Variants in PCDHA1 observed in about 807,000 individuals in gnomAD.
PCDHA1 encodes the protein protocadherin alpha 1.
A neutral mutation model predicts 61.3 loss-of-function variants in PCDHA1; 42 were observed. The observed-to-expected ratio is 0.69, with a 90% confidence interval of 0.54 to 0.89. PCDHA1 has a LOEUF of 0.89. PCDHA1 is among the 40% of genes least tolerant of loss of function. PCDHA1 has a pLI of 0.00. For synonymous variants in PCDHA1, 610 were observed against 553.8 expected (o/e 1.10, Z -1.43); for missense variants, 1,256 against 1,235.3 (o/e 1.02, Z -0.25).
intron 1 of PCDHA1, chr5:140,830,113 G>A: frequency 6.2e-7 from 1 of 1,613,562 alleles, no homozygotes; most frequent in African/African-American, 1.3e-5. Context: ...AGAGTGGCCA[G>A]GCTCCAAAGG....
intron 3 of PCDHA1, among the ~76,000 whole-genome samples, chr5:141,003,622 A>G (rs1554259173): frequency 6.6e-6 from 1 of 152,196 alleles, no homozygotes; most frequent in Non-Finnish European, 1.5e-5. Context: ...CCCAGAGGGC[A>G]GTTTTTAAAG....
chr5:140,968,132 A>G, intron 1 of PCDHA1: 1 of 1,614,082 alleles, frequency 6.2e-7, no homozygotes, highest in Non-Finnish European at 8.5e-7. Flanking sequence ...GCGTACACTG[A>G]AGGTTGAGAT....
At chr5:140,811,821 T>C (rs1215583343) in intron 1 of PCDHA1, 1 of 152,226 alleles carries the variant, frequency 6.6e-6, no homozygotes. Flanking sequence ...TCTGTTCATA[T>C]CCTTTGCCCA....
intron 1 of PCDHA1, among the ~76,000 whole-genome samples, chr5:140,805,828 T>G (rs1763635643): frequency 6.6e-6 from 1 of 152,164 alleles, no homozygotes. Context: ...AACACCACAT[T>G]TTCCCAACTA....
chr5:140,868,872 G>T, intron 1 of PCDHA1: 1 of 640,590 alleles, frequency 1.6e-6, no homozygotes. Context: ...GCAGTGCACA[G>T]TACTCACAGT....
At chr5:140,827,495 A>G (rs1769309014) in intron 1 of PCDHA1, among the ~76,000 whole-genome samples, 1 of 152,240 alleles carries the variant, frequency 6.6e-6, no homozygotes, top group Admixed American at 6.5e-5. Flanking sequence ...CATGGACTTC[A>G]ATAATCTATA....
chr5:141,001,594 A>AT (rs1216872407), intron 3 of PCDHA1, among the ~76,000 whole-genome samples: 1 of 152,040 alleles, frequency 6.6e-6, no homozygotes, highest in Non-Finnish European at 1.5e-5. Flanking sequence ...GATTACTCAG[A>AT]TTAGGTTTGC....
At chr5:140,789,581 A>T (rs1483253017) in intron 1 of PCDHA1, among the ~76,000 whole-genome samples, 1 of 152,070 alleles carries the variant, frequency 6.6e-6, no homozygotes, top group Non-Finnish European at 1.5e-5. Context: ...CAATTTCCTG[A>T]TGCCATTAAC....
intron 1 of PCDHA1, among the ~76,000 whole-genome samples, chr5:140,920,648 A>G (rs1465559942): frequency 1.3e-5 from 2 of 152,148 alleles, no homozygotes; most frequent in Non-Finnish European, 2.9e-5. Flanking sequence ...GATTGAGACC[A>G]TCCTTGCCAA....
Position 140,855,858 on chromosome 5 carries a change from G to A in PCDHA1, c.2394+67174G>A, listed in dbSNP as rs1203638572. 5 of 715,820 alleles carry A rather than the reference G, an allele frequency of 7.0e-6. 1 individual carries two copies. Among genetic ancestry groups the A allele is most frequent in the Non-Finnish European group, 1.1e-5 (5 of 445,056 alleles). The allele number at this position is 715,820 out of a possible 1,614,324, so 44.3% of individuals were successfully genotyped here. A position where few individuals can be genotyped will look rare whatever the true frequency, so the allele number is the denominator to read the frequency against. On this transcript the variant is annotated intron_variant, in intron 1 of 3. Coordinates refer to ENST00000504120, the MANE Select transcript of PCDHA1 (RefSeq NM_018900.4). ...CTTACACCTAAAGCCACCGGATGTC[G>A]CTGTCGTCCACAAAATAGCTTTTTA...
In PCDHA1 at chr5:140,936,000, C is replaced by T. The variant is rs370629183; in HGVS notation, c.2395-42949C>T. Among the ~76,000 whole-genome samples, 13 of 150,536 alleles carry T rather than the reference C, an allele frequency of 8.6e-5. No homozygotes were observed. In the East Asian group the frequency reaches 1.6e-3, roughly 18 times the overall value. ...CTCTGCCTCCCGGGTTCAAGCGATT[C>T]TCCCACCTCAGCCTCCCGAGTAGCG... On this transcript the variant is annotated intron_variant, in intron 1 of 3. Coordinates refer to ENST00000504120, the MANE Select transcript of PCDHA1 (RefSeq NM_018900.4).
In PCDHA1 at chr5:140,967,285, G is replaced by C. The variant is rs150694611; in HGVS notation, c.2395-11664G>C. 6,229 of 1,613,054 alleles carry C rather than the reference G, an allele frequency of 3.9e-3. 11 individuals carry two copies. The highest frequency in any genetic ancestry group is 5.0e-3 in the Non-Finnish European group (5,885 of 1,179,544). On this transcript the variant is annotated intron_variant, in intron 1 of 3. Coordinates refer to ENST00000504120, the MANE Select transcript of PCDHA1 (RefSeq NM_018900.4). Reference sequence around the variant, plus strand: ...CGCGCTTTCACATAGAGAGTGCGCAGGACCCCGACGTGGGCGCCAACTCAG... The same window carrying C: ...CGCGCTTTCACATAGAGAGTGCGCACGACCCCGACGTGGGCGCCAACTCAG...
At chr5:140,829,220 C>G (rs149405425) in intron 1 of PCDHA1, 22 of 1,614,108 alleles carry the variant, frequency 1.4e-5, no homozygotes, top group Non-Finnish European at 1.8e-5. Flanking sequence ...CGTGAACGAC[C>G]TCGATTCAGG....
At chr5:140,943,321 G>C (rs1012061757) in intron 1 of PCDHA1, among the ~76,000 whole-genome samples, 3 of 150,454 alleles carry the variant, frequency 2.0e-5, no homozygotes, top group Non-Finnish European at 4.4e-5. Flanking sequence ...TAGCAATATT[G>C]TGTAGTATCC....
At chr5:140,821,516 G>A (rs1264771633) in intron 1 of PCDHA1, 3 of 397,680 alleles carry the variant, frequency 7.5e-6, no homozygotes, top group African/African-American at 2.0e-5. Flanking sequence ...GCTAAATAAA[G>A]CAAAACAAAA....
At position 140,882,987 on chromosome 5, in the gene PCDHA1, C is replaced by T; in HGVS notation, c.2394+94303C>T. The T allele has an allele frequency of 1.9e-6, 3 of 1,614,110 alleles. No individual in the cohort carries two copies. The highest frequency in any genetic ancestry group is 1.7e-6 in the Non-Finnish European group (2 of 1,180,042). ...ATTCTGGACGTGAATGACAACGCCC[C>T]GGAATTTTACCAATCCGTTTATAAA... is the stretch of plus-strand genomic sequence containing the variant. On this transcript the variant is annotated intron_variant, in intron 1 of 3. Coordinates refer to ENST00000504120, the MANE Select transcript of PCDHA1 (RefSeq NM_018900.4).
chr5:140,887,954 T>A (rs2061642378), intron 1 of PCDHA1, among the ~76,000 whole-genome samples: 1 of 152,240 alleles, frequency 6.6e-6, no homozygotes, highest in South Asian at 2.1e-4. Context: ...TGTATAAGAT[T>A]CTTTTTGTCT....
At chr5:140,802,104 A>T in intron 1 of PCDHA1, 1 of 1,614,238 alleles carries the variant, frequency 6.2e-7, no homozygotes, top group South Asian at 1.1e-5. Context: ...TGGACAAATC[A>T]GTGTAAAGGG....
In PCDHA1 at chr5:140,857,190, A is replaced by C. The variant is rs782160902; in HGVS notation, c.2394+68506A>C. The C allele has an allele frequency of 1.3e-5, 21 of 1,598,418 alleles. 2 individuals are homozygous for C. Among genetic ancestry groups the C allele is most frequent in the Non-Finnish European group, 8.6e-7 (1 of 1,167,936 alleles). On this transcript the variant is annotated intron_variant, in intron 1 of 3. Coordinates refer to ENST00000504120, the MANE Select transcript of PCDHA1 (RefSeq NM_018900.4). Reference sequence around the variant, plus strand: ...GTTTCTGACCATGATTCAGGAGCCAACGGACAGGTCACCTGCTCTCTGACG... The same window carrying C: ...GTTTCTGACCATGATTCAGGAGCCACCGGACAGGTCACCTGCTCTCTGACG...
Sources: allele counts gnomAD v4.1 joint callset (sites outside exome capture counted in the v4.1 genomes callset), GRCh38; gene constraint gnomAD v4.1.1; transcripts MANE v1.5; gene names NCBI Gene and HGNC (gene_info 2026-07-23, HGNC 2026-07-21).